C8B: variants seen among roughly 807,000 people sequenced by gnomAD.
The protein encoded by C8B is complement component C8 beta chain.
A neutral mutation model predicts 64.6 loss-of-function variants in C8B; 67 were observed. The observed-to-expected ratio is 1.04, with a 90% confidence interval of 0.85 to 1.27. C8B has a LOEUF of 1.27. Ranked by LOEUF, C8B falls within the 50% of genes most tolerant of loss-of-function variation. The pLI is 0.00. For synonymous variants in C8B, 284 were observed against 257.7 expected (o/e 1.10, Z -0.98); for missense variants, 790 against 725.2 (o/e 1.09, Z -1.03).
intron 1 of C8B, among the ~76,000 whole-genome samples, chr1:56,963,360 C>T (rs1415352828): frequency 6.6e-6 from 1 of 152,180 alleles, no homozygotes; most frequent in Non-Finnish European, 1.5e-5. Context: ...TTTCTTGTCA[C>T]ACACAATTTG....
At chr1:56,950,692 ACTTT>A (rs2101428500) in intron 5 of C8B, among the ~76,000 whole-genome samples, 1 of 152,300 alleles carries the variant, frequency 6.6e-6, no homozygotes, top group South Asian at 2.1e-4. Flanking sequence ...TAGTCGGATG[ACTTT>A]GGACAATTGC....
intron 1 of C8B, among the ~76,000 whole-genome samples, chr1:56,961,880 A>C (rs1570408699): frequency 6.6e-6 from 1 of 152,148 alleles, no homozygotes; most frequent in Non-Finnish European, 1.5e-5. Context: ...TGGATACTTT[A>C]AAACGGTTAC....
chr1:56,946,263 G>C (rs1644941213), intron 6 of C8B, among the ~76,000 whole-genome samples: 1 of 152,264 alleles, frequency 6.6e-6, no homozygotes, highest in Non-Finnish European at 1.5e-5. Context: ...CAGCTTGGAA[G>C]AGCTTGCTCT....
At chr1:56,959,974 C>CT (rs756141752) in intron 2 of C8B, 46 bp downstream of exon 2, 36 of 1,611,952 alleles carry the variant, frequency 2.2e-5, no homozygotes, top group Non-Finnish European at 2.8e-5. Flanking sequence ...TTGCTGGGGA[C>CT]AAAGGCTCCT....
chr1:56,954,914 C>A (rs908455586), intron 3 of C8B, 87 bp from the exon 4 acceptor site: 5 of 1,500,310 alleles, frequency 3.3e-6, no homozygotes, highest in East Asian at 4.5e-5. Flanking sequence ...AGTGCCAGAC[C>A]TTTTGTCAGG....
At chr1:56,950,679 G>C (rs1475255210) in intron 5 of C8B, among the ~76,000 whole-genome samples, 2 of 152,216 alleles carry the variant, frequency 1.3e-5, no homozygotes, top group East Asian at 3.9e-4. Flanking sequence ...CTCTGCTCTT[G>C]TCTAGTCGGA....
At chr1:56,938,740 C>G (rs887626453) in intron 9 of C8B, among the ~76,000 whole-genome samples, 1 of 152,174 alleles carries the variant, frequency 6.6e-6, no homozygotes, top group Non-Finnish European at 1.5e-5. Context: ...CATAATTAAG[C>G]CTTGGTTGAA....
At chr1:56,947,796 T>A (rs1644962959) in intron 6 of C8B, among the ~76,000 whole-genome samples, 1 of 152,032 alleles carries the variant, frequency 6.6e-6, no homozygotes, top group African/African-American at 2.4e-5. Flanking sequence ...CTGAGCATGG[T>A]AGCATGTGCC....
At chr1:56,961,767 C>T (rs771975806) in intron 1 of C8B, among the ~76,000 whole-genome samples, 13 of 152,106 alleles carry the variant, frequency 8.5e-5, no homozygotes, top group Non-Finnish European at 1.9e-4. Flanking sequence ...ATATTAACTA[C>T]GGTGAAATCT....
chr1:56,954,859 A>G (rs112498155), intron 3 of C8B, 32 bp from the exon 4 acceptor site: 1 of 1,614,068 alleles, frequency 6.2e-7, no homozygotes, highest in Non-Finnish European at 8.5e-7. Flanking sequence ...ACCCACAGCC[A>G]CATGGTTGGC....
chr1:56,945,991 A>G lies in C8B; in HGVS notation c.935T>C (p.Met312Thr). Residue 312 changes from methionine (M) to threonine (T), a missense_variant, in exon 7 of 12, where the codon ATG becomes ACG. Met to Thr is a moderately conservative substitution (Grantham distance 81, BLOSUM62 -1). Coordinates refer to ENST00000371237, the MANE Select transcript of C8B (RefSeq NM_000066.4). ...AHYKLKPRSL[M>T]LHYEFLQRVK... ...TCTCTGAAGGAACTCGTAATGGAGC[A>G]TGAGGCTTCTGGGTTTCAGCTTGTA... The G allele has an allele frequency of 6.2e-7, 1 of 1,614,196 alleles. No individual in the cohort carries two copies. Among genetic ancestry groups the G allele is most frequent in the Non-Finnish European group, 8.5e-7 (1 of 1,180,026 alleles).
At chr1:56,951,239 G>A (rs867498245) in intron 5 of C8B, among the ~76,000 whole-genome samples, 1 of 151,956 alleles carries the variant, frequency 6.6e-6, no homozygotes, top group Non-Finnish European at 1.5e-5. Context: ...CACCACACCC[G>A]GCTAGAAAAA....
chr1:56,938,137 T>C (rs907883910), intron 9 of C8B, among the ~76,000 whole-genome samples: 8 of 152,364 alleles, frequency 5.3e-5, no homozygotes, highest in African/African-American at 1.9e-4. Context: ...TCACATTTAA[T>C]TTTGTCTCTT....
chr1:56,965,343 A>G, intron 1 of C8B, among the ~76,000 whole-genome samples: 1 of 151,896 alleles, frequency 6.6e-6, no homozygotes, highest in East Asian at 1.9e-4. Context: ...GAAATAAATC[A>G]GCCAGCATTT....
chr1:56,942,428 G>A (rs373126771), intron 8 of C8B, among the ~76,000 whole-genome samples: 6 of 152,198 alleles, frequency 3.9e-5, no homozygotes, highest in Admixed American at 1.3e-4. Context: ...ACAGCCCAGC[G>A]TGGTGGCTCA....
At chr1:56,937,498 C>T (rs1644791912) in intron 9 of C8B, among the ~76,000 whole-genome samples, 1 of 152,074 alleles carries the variant, frequency 6.6e-6, no homozygotes. Context: ...TCCCTTCTGC[C>T]CTGGGCAATG....
intron 5 of C8B, among the ~76,000 whole-genome samples, chr1:56,950,100 T>C (rs1053048911): frequency 1.3e-5 from 2 of 152,090 alleles, no homozygotes; most frequent in Non-Finnish European, 2.9e-5. Flanking sequence ...AGCAGTGCAG[T>C]TCATTGAGAA....
intron 9 of C8B, among the ~76,000 whole-genome samples, chr1:56,934,108 G>GT (rs1411213497): frequency 1.3e-5 from 2 of 150,124 alleles, no homozygotes; most frequent in Non-Finnish European, 3.0e-5. Context: ...CAAATCCCAT[G>GT]TTTTTTATTG....
chr1:56,964,708 A>G (rs1645227368), intron 1 of C8B, among the ~76,000 whole-genome samples: 1 of 152,186 alleles, frequency 6.6e-6, no homozygotes, highest in African/African-American at 2.4e-5. Context: ...ATATGCTCAC[A>G]TGTTGGCATT....
Sources: gnomAD v4.1 joint callset for allele counts (sites outside exome capture counted in the v4.1 genomes callset) on GRCh38, gnomAD v4.1.1 for gene constraint, MANE v1.5 for transcripts, NCBI Gene and HGNC (gene_info 2026-07-23, HGNC 2026-07-21) for gene names.